MAPK8: variants seen among roughly 807,000 people sequenced by gnomAD.
MAPK8 encodes the protein mitogen-activated protein kinase 8.
A neutral mutation model predicts 52.9 loss-of-function variants in MAPK8; 13 were observed. The ratio of observed to expected loss-of-function variants is 0.25; its 90% CI spans 0.16 to 0.39. The LOEUF (loss-of-function observed/expected upper bound fraction) is 0.39. Among genes scored for constraint, MAPK8 ranks in the 10% least tolerant of loss-of-function variants. MAPK8 has a pLI of 1.00. For missense variants in MAPK8, 300 were observed against 519.2 expected (o/e 0.58, Z 4.10); for synonymous variants, 191 against 169.8 (o/e 1.12, Z -0.97).
intron 1 of MAPK8, among the ~76,000 whole-genome samples, 199 bp from the exon 2 acceptor site, chr10:48,401,413 T>TA (rs1338197100): frequency 2.0e-5 from 3 of 151,972 alleles, no homozygotes; most frequent in Admixed American, 6.6e-5. Context: ...GTTTCTTTTT[T>TA]AAAAAAAACT....
intron 1 of MAPK8, among the ~76,000 whole-genome samples, chr10:48,357,100 A>G (rs1221730452): frequency 6.6e-6 from 1 of 152,194 alleles, no homozygotes; most frequent in African/African-American, 2.4e-5. Flanking sequence ...AATGCAAACA[A>G]AATACCAGGA....
chr10:48,314,503 T>C (rs924849248), intron 1 of MAPK8, among the ~76,000 whole-genome samples: 3 of 152,192 alleles, frequency 2.0e-5, no homozygotes, highest in African/African-American at 7.2e-5. Context: ...CATGGTGCAG[T>C]GGATTACCTT....
intron 1 of MAPK8, among the ~76,000 whole-genome samples, chr10:48,352,533 T>C (rs997740009): frequency 6.6e-6 from 1 of 152,180 alleles, no homozygotes; most frequent in Non-Finnish European, 1.5e-5. Flanking sequence ...GAAGAAAATA[T>C]ATCAAATGCT....
intron 1 of MAPK8, among the ~76,000 whole-genome samples, chr10:48,360,820 T>C (rs1291130725): frequency 6.6e-6 from 1 of 152,170 alleles, no homozygotes; most frequent in Non-Finnish European, 1.5e-5. Context: ...AAGGCAATGA[T>C]TTCCACAAAC....
At chr10:48,403,915 ATTTGTG>A (rs2042300736) in intron 2 of MAPK8, among the ~76,000 whole-genome samples, 1 of 58,710 alleles carries the variant, frequency 1.7e-5, no homozygotes, top group African/African-American at 7.9e-5. Context: ...CGCCCGGCTA[ATTTGTG>A]TGTGTGTGTG....
intron 6 of MAPK8, among the ~76,000 whole-genome samples, chr10:48,420,691 G>T (rs946332283): frequency 6.6e-6 from 1 of 152,060 alleles, no homozygotes; most frequent in Non-Finnish European, 1.5e-5. Flanking sequence ...AGTGATATTT[G>T]CCTATATTTC....
intron 1 of MAPK8, among the ~76,000 whole-genome samples, chr10:48,373,859 G>A (rs919903970): frequency 2.0e-5 from 3 of 151,994 alleles, no homozygotes; most frequent in African/African-American, 4.8e-5. Context: ...AATTAACAAC[G>A]ATATCCAGGA....
chr10:48,398,829 G>C (rs2042016066), intron 1 of MAPK8, among the ~76,000 whole-genome samples: 1 of 152,148 alleles, frequency 6.6e-6, no homozygotes, highest in African/African-American at 2.4e-5. Context: ...CCAATTCAGT[G>C]GTTGCTAGGA....
chr10:48,344,737 G>A (rs1488793364), intron 1 of MAPK8, among the ~76,000 whole-genome samples: 1 of 152,124 alleles, frequency 6.6e-6, no homozygotes, highest in Non-Finnish European at 1.5e-5. Flanking sequence ...CCTTCCAAAT[G>A]CATATAGTTC....
chr10:48,329,404 T>C (rs1324767054), intron 1 of MAPK8, among the ~76,000 whole-genome samples: 1 of 152,170 alleles, frequency 6.6e-6, no homozygotes, highest in Non-Finnish European at 1.5e-5. Context: ...ATTGGAAGAA[T>C]TCAGAGCGGT....
At chr10:48,424,574 C>T (rs1367085386) in intron 7 of MAPK8, 1 of 1,596,258 alleles carries the variant, frequency 6.3e-7, no homozygotes, top group South Asian at 1.2e-5. Context: ...GTTTTGTTCC[C>T]AGGTACAGAT....
chr10:48,415,509 C>T (rs1366135544), intron 5 of MAPK8, among the ~76,000 whole-genome samples: 2 of 152,138 alleles, frequency 1.3e-5, no homozygotes, highest in Non-Finnish European at 2.9e-5. Flanking sequence ...TTAAAAAGGT[C>T]AGATTTTGGC....
chr10:48,438,462 C>T lies in MAPK8; in HGVS notation c.*3433C>T, dbSNP rs1464031849. ...TCCTAATTTCAAACTGACTGCTCTT[C>T]GTTAAGTGCTCTTAAGGAGAGTCTA... On this transcript the variant is annotated 3_prime_UTR_variant, in exon 12 of 12. Coordinates refer to ENST00000374189, the MANE Select transcript of MAPK8 (RefSeq NM_001323329.2). The T allele has an allele frequency of 2.6e-5, 4 of 152,218 alleles. No individual in the cohort carries two copies. Among genetic ancestry groups the T allele is most frequent in the East Asian group, 1.9e-4 (1 of 5,202 alleles). 9.4% of individuals were successfully genotyped at this position (152,218 alleles called of 1,614,324 possible).
intron 1 of MAPK8, among the ~76,000 whole-genome samples, chr10:48,387,424 G>C (rs1331935736): frequency 2.6e-5 from 4 of 152,218 alleles, no homozygotes; most frequent in Non-Finnish European, 5.9e-5. Context: ...GAAGGAGAAA[G>C]AAGAATCCTA....
At chr10:48,323,503 G>C (rs1843188676) in intron 1 of MAPK8, among the ~76,000 whole-genome samples, 1 of 152,164 alleles carries the variant, frequency 6.6e-6, no homozygotes, top group Non-Finnish European at 1.5e-5. Flanking sequence ...ATTGCAGAAA[G>C]AATTTAATTT....
chr10:48,410,021 C>T lies in MAPK8; in HGVS notation c.312-9C>T. The T allele has an allele frequency of 6.2e-7, 1 of 1,603,386 alleles. No homozygotes were observed. The highest frequency in any genetic ancestry group is 8.5e-7 in the Non-Finnish European group (1 of 1,176,426). On this transcript the variant is annotated splice_polypyrimidine_tract_variant and intron_variant, in intron 4 of 11. Coordinates refer to ENST00000374189, the MANE Select transcript of MAPK8 (RefSeq NM_001323329.2). ...ACACTTTAGCTGTTCTCTTTTTTCACTCATAAAGTTACATAGTCATGGAGC... is the reference window on the plus strand; with the variant it reads ...ACACTTTAGCTGTTCTCTTTTTTCATTCATAAAGTTACATAGTCATGGAGC...
At chr10:48,432,078 T>C (rs1266171395) in intron 11 of MAPK8, among the ~76,000 whole-genome samples, 1 of 152,196 alleles carries the variant, frequency 6.6e-6, no homozygotes, top group Non-Finnish European at 1.5e-5. Flanking sequence ...CATTTTGTTA[T>C]CTGGCTGGCA....
chr10:48,380,792 T>C (rs951950783), intron 1 of MAPK8, among the ~76,000 whole-genome samples: 25 of 152,166 alleles, frequency 1.6e-4, no homozygotes, highest in African/African-American at 4.3e-4. Flanking sequence ...AGGTTTGAAA[T>C]GCTCAGTGTT....
chr10:48,407,112 A>G lies in MAPK8; in HGVS notation c.252+2131A>G, dbSNP rs73309908. Among the ~76,000 whole-genome samples the G allele has an allele frequency of 3.0e-3, 456 of 152,226 alleles. 4 individuals are homozygous for G. Among genetic ancestry groups the G allele is most frequent in the African/African-American group, 0.011 (444 of 41,536 alleles). ...ATGTGGTTGCTCTTCCTGGTCTACT[A>G]GTGATTGCTGTGATTGCTTTTTTCT... On this transcript the variant is annotated intron_variant, in intron 3 of 11. Coordinates refer to ENST00000374189, the MANE Select transcript of MAPK8 (RefSeq NM_001323329.2).
Sources: allele counts gnomAD v4.1 joint callset (sites outside exome capture counted in the v4.1 genomes callset), GRCh38; gene constraint gnomAD v4.1.1; transcripts MANE v1.5; gene names NCBI Gene and HGNC (gene_info 2026-07-23, HGNC 2026-07-21).